Variants in PCDH15 observed in about 807,000 individuals in gnomAD.
PCDH15 encodes the protein protocadherin-15.
Under a neutral mutation model 178.5 loss-of-function variants are expected in PCDH15, and 129 were observed. The observed-to-expected ratio is 0.72, with a 90% CI of 0.63 to 0.84. The LOEUF is 0.84. Among genes scored for constraint, PCDH15 ranks in the 40% least tolerant of loss-of-function variants. The pLI is 0.00. For missense variants in PCDH15, 2,230 were observed against 2,099.9 expected (o/e 1.06, Z -1.21); for synonymous variants, 800 against 732.0 (o/e 1.09, Z -1.50).
chr10:54,036,117 A>C (rs2093410944), intron 18 of PCDH15, among the ~76,000 whole-genome samples: 1 of 151,924 alleles, frequency 6.6e-6, no homozygotes, highest in Non-Finnish European at 1.5e-5. Flanking sequence ...AGGGAAAAAT[A>C]AAAAGCCATC....
chr10:55,222,414 T>A (rs1252848304), intron 1 of PCDH15, among the ~76,000 whole-genome samples: 1 of 151,950 alleles, frequency 6.6e-6, no homozygotes, highest in Non-Finnish European at 1.5e-5. Context: ...GCATTTAATA[T>A]ATATCTTTTG....
intron 3 of PCDH15, among the ~76,000 whole-genome samples, chr10:54,524,696 T>C (rs181757245): frequency 2.8e-4 from 43 of 152,342 alleles, no homozygotes; most frequent in Admixed American, 1.4e-3. Context: ...TTTCTCTAAA[T>C]CCATTCTCCC....
intron 2 of PCDH15, among the ~76,000 whole-genome samples, chr10:54,641,862 C>G (rs1301517679): frequency 6.6e-6 from 1 of 151,716 alleles, no homozygotes. Context: ...CCCCTGCCCC[C>G]ACTGGTCCTG....
At chr10:55,344,928 A>T (rs937504226) in intron 2 of PCDH15, among the ~76,000 whole-genome samples, 9 of 152,144 alleles carry the variant, frequency 5.9e-5, no homozygotes, top group Non-Finnish European at 1.2e-4. Flanking sequence ...AGTAAGTAAC[A>T]TAATGCTACG....
At chr10:54,647,050 A>C (rs912321284) in intron 2 of PCDH15, among the ~76,000 whole-genome samples, 2 of 152,140 alleles carry the variant, frequency 1.3e-5, no homozygotes, top group Non-Finnish European at 2.9e-5. Context: ...ATGTTACTGC[A>C]GCACTATTCA....
intron 1 of PCDH15, among the ~76,000 whole-genome samples, chr10:54,693,286 T>G (rs1224701367): frequency 6.6e-6 from 1 of 152,030 alleles, no homozygotes; most frequent in Admixed American, 6.6e-5. Flanking sequence ...TAAGTTACAC[T>G]GTAACTTATA....
intron 18 of PCDH15, among the ~76,000 whole-genome samples, chr10:54,039,925 A>G (rs1234142048): frequency 6.6e-6 from 1 of 151,900 alleles, no homozygotes; most frequent in East Asian, 1.9e-4. Flanking sequence ...GCTTCCTACT[A>G]TGTCTGTTTT....
At chr10:55,600,512 C>T (rs1843052468) in intron 2 of PCDH15, among the ~76,000 whole-genome samples, 1 of 152,090 alleles carries the variant, frequency 6.6e-6, no homozygotes, top group South Asian at 2.1e-4. Context: ...GTTAAGAGTG[C>T]AATCCTATTC....
chr10:54,616,150 A>G (rs2093142564), intron 2 of PCDH15, among the ~76,000 whole-genome samples: 1 of 152,094 alleles, frequency 6.6e-6, no homozygotes, highest in Non-Finnish European at 1.5e-5. Flanking sequence ...AAAGTTTAAA[A>G]AACCCTCAAA....
rs56817323 is a variant in PCDH15 at position 55,582,596 on chromosome 10, GTATATATATATATATATATA to G, written c.-156+45009_-156+45028del. 2.2e-5 allele frequency among the ~76,000 whole-genome samples: 2 copies of G among 90,326 alleles called. 1 individual carries two copies. The highest frequency in any genetic ancestry group is 4.1e-5 in the Non-Finnish European group (2 of 49,076). 59.3% of individuals were successfully genotyped at this position (90,326 alleles called of 152,430 possible). ...AACTGGCTATTCTGTATGTGTATGT[GTATATATATATATATATATA>G]TATATATATATATTTTTTTTTTTTT... is the stretch of plus-strand genomic sequence containing the variant. On this transcript the variant is annotated intron_variant, in intron 2 of 5. Transcript: ENST00000613346.
intron 21 of PCDH15, among the ~76,000 whole-genome samples, chr10:53,970,240 A>G (rs989514841): frequency 5.6e-4 from 86 of 152,330 alleles, no homozygotes; most frequent in African/African-American, 1.9e-3. Flanking sequence ...CTTTAAACCA[A>G]CAAAGATCAG....
intron 1 of PCDH15, among the ~76,000 whole-genome samples, chr10:54,675,686 TG>T (rs2094773859): frequency 1.3e-5 from 2 of 152,164 alleles, no homozygotes; most frequent in African/African-American, 4.8e-5. Context: ...GCCTTTCCTT[TG>T]TATTCAGCGA....
chr10:54,260,425 T>C (rs7099941), intron 8 of PCDH15, among the ~76,000 whole-genome samples: 109,327 of 151,376 alleles, frequency 0.72, 40,448 homozygotes, highest in African/African-American at 0.77. Flanking sequence ...TTTTAATGCT[T>C]AAATATGCCA....
chr10:55,024,922 G>C (rs1591842370), intron 2 of PCDH15, among the ~76,000 whole-genome samples: 1 of 152,174 alleles, frequency 6.6e-6, no homozygotes, highest in South Asian at 2.1e-4. Flanking sequence ...TCTCCAGGCT[G>C]TGGCAAAACC....
intron 1 of PCDH15, among the ~76,000 whole-genome samples, chr10:54,791,090 C>T (rs1250222023): frequency 6.6e-6 from 1 of 151,884 alleles, no homozygotes; most frequent in African/African-American, 2.4e-5. Context: ...TTACTAATAA[C>T]CTCCATTTTT....
chr10:54,271,485 T>A (rs2132497103), intron 8 of PCDH15, among the ~76,000 whole-genome samples: 1 of 152,272 alleles, frequency 6.6e-6, no homozygotes, highest in South Asian at 2.1e-4. Context: ...GATGCTGGGA[T>A]TACAGGCGTG....
intron 2 of PCDH15, among the ~76,000 whole-genome samples, chr10:55,626,758 T>C (rs1223783613): frequency 6.6e-6 from 1 of 152,220 alleles, no homozygotes; most frequent in Non-Finnish European, 1.5e-5. Flanking sequence ...AATCTTACCA[T>C]GCTGAATTGC....
intron 18 of PCDH15, among the ~76,000 whole-genome samples, chr10:54,056,959 A>T (rs1242486002): frequency 6.6e-6 from 1 of 152,160 alleles, no homozygotes. Flanking sequence ...TCCAATGGGG[A>T]AGTCAAATCA....
intron 7 of PCDH15, among the ~76,000 whole-genome samples, chr10:54,320,849 G>C (rs2061557821): frequency 6.6e-6 from 1 of 151,754 alleles, no homozygotes; most frequent in South Asian, 2.1e-4. Context: ...AAGATAATGT[G>C]ACCTCATAAA....
Sources: gnomAD v4.1 joint callset for allele counts (sites outside exome capture counted in the v4.1 genomes callset) on GRCh38, gnomAD v4.1.1 for gene constraint, MANE v1.5 for transcripts, NCBI Gene and HGNC (gene_info 2026-07-23, HGNC 2026-07-21) for gene names.